Variants in SLC5A2 observed in about 807,000 individuals in gnomAD.
SLC5A2 encodes the protein sodium/glucose cotransporter 2.
SLC5A2 carries 67 observed loss-of-function variants against 69.0 expected under a neutral mutation model. That is an observed-to-expected ratio of 0.97 (90% CI 0.80 to 1.19). The LOEUF (loss-of-function observed/expected upper bound fraction) is 1.19, where lower values mean the gene tolerates loss of function less well. Ranked by LOEUF, SLC5A2 falls within the 50% of genes most tolerant of loss-of-function variation. The pLI, the probability that SLC5A2 is intolerant of heterozygous loss-of-function variation, is 0.00. For synonymous variants in SLC5A2, 455 were observed against 395.8 expected (o/e 1.15, Z -1.78); for missense variants, 1,001 against 921.5 (o/e 1.09, Z -1.12).
rs758934586 is a variant in SLC5A2, at chr16:31,487,682, G to A, written c.808G>A (p.Val270Met). Reference sequence around the variant, plus strand: ...CTCCTACCACCTGCTCCGGCACCCCGTGACCGGGGATCTGCCGTGGCCCGC... The same window carrying A: ...CTCCTACCACCTGCTCCGGCACCCCATGACCGGGGATCTGCCGTGGCCCGC... Reference protein sequence around the residue: ...PDSYHLLRHPVTGDLPWPALL... With the variant: ...PDSYHLLRHPMTGDLPWPALL... The change falls in exon 7 of 14, where the codon GTG becomes ATG. Residue 270 changes from valine (V) to methionine (M), a missense_variant. Physicochemically the swap from Val to Met is conservative, Grantham distance 21. Transcript: ENST00000330498. 1 of 1,613,588 alleles carries A rather than the reference G, an allele frequency of 6.2e-7. No homozygotes were observed. Among genetic ancestry groups the A allele is most frequent in the African/African-American group, 1.3e-5 (1 of 75,074 alleles).
At chr16:31,486,642 G>A (rs1344019818) in intron 5 of SLC5A2, among the ~76,000 whole-genome samples, 1 of 152,324 alleles carries the variant, frequency 6.6e-6, no homozygotes, top group Middle Eastern at 3.4e-3. Flanking sequence ...GGTCAGATGC[G>A]GACCAGAGTA....
chr16:31,488,906 T>C lies in SLC5A2; in HGVS notation c.1307T>C (p.Val436Ala), dbSNP rs886051961. The change falls in exon 11 of 14, where the codon GTG (valine) becomes GCG (alanine). Residue 436 changes from valine (V) to alanine (A), a missense_variant. Physicochemically the swap from Val to Ala is moderately conservative, Grantham distance 64. Coordinates refer to ENST00000330498, the MANE Select transcript of SLC5A2 (RefSeq NM_003041.4). ...GRLWVVFIVV[V>A]SVAWLPVVQA... ...CTCTGGGTGGTGTTCATCGTGGTAG[T>C]GTCGGTGGCCTGGCTTCCCGTGGTG... is the stretch of plus-strand genomic sequence containing the variant. 1.9e-6 allele frequency: 3 copies of C among 1,605,488 alleles called. No homozygotes were observed. Among genetic ancestry groups the C allele is most frequent in the East Asian group, 2.2e-5 (1 of 44,852 alleles).
intron 7 of SLC5A2, 87 bp from the exon 8 acceptor site, chr16:31,487,951 G>A (rs2082512284): frequency 3.8e-6 from 6 of 1,582,748 alleles, no homozygotes; most frequent in Non-Finnish European, 5.2e-6. Flanking sequence ...GCACTCACGA[G>A]CCAGAGGCGG....
chr16:31,483,428 A>G (rs140682301), intron 1 of SLC5A2, among the ~76,000 whole-genome samples, 166 bp downstream of exon 1: 2 of 152,264 alleles, frequency 1.3e-5, no homozygotes, highest in East Asian at 3.9e-4. Flanking sequence ...CCCAGCCAAC[A>G]TTCCTCCCTT....
intron 7 of SLC5A2, 25 bp from the exon 8 acceptor site, chr16:31,488,013 G>T (rs1483765285): frequency 2.5e-6 from 4 of 1,610,780 alleles, no homozygotes; most frequent in African/African-American, 1.3e-5. Context: ...GCCCGCAAGC[G>T]GGCAGCTGAA....
intron 12 of SLC5A2, 161 bp from the exon 13 acceptor site, chr16:31,489,943 A>G (rs999016308): frequency 2.2e-6 from 2 of 902,622 alleles, no homozygotes; most frequent in Admixed American, 4.1e-5. Context: ...GGCACAGGGC[A>G]GCCATGTAGG....
At chr16:31,485,073 A>C in intron 3 of SLC5A2, 150 bp downstream of exon 3, 1 of 778,340 alleles carries the variant, frequency 1.3e-6, no homozygotes, top group Non-Finnish European at 2.2e-6. Context: ...GAGGTCATAC[A>C]TCTAGCCAGG....
At chr16:31,489,517 G>A (rs928551347) in intron 12 of SLC5A2, 179 bp downstream of exon 12, 7 of 653,376 alleles carry the variant, frequency 1.1e-5, no homozygotes, top group African/African-American at 3.6e-5. Flanking sequence ...TATTTGAACC[G>A]GCCTGGGGGA....
Position 31,488,478 on chromosome 16 carries a change from C to T in SLC5A2, c.1117C>T (p.Leu373Phe). 2 of 1,609,180 alleles carry T rather than the reference C, an allele frequency of 1.2e-6. No individual in the cohort carries two copies. Among genetic ancestry groups the T allele is most frequent in the South Asian group, 2.2e-5 (2 of 90,414 alleles). ...CGCCTACCCGCGGCTCGTCGTGAAG[C>T]TCATGCCCAACGGTAAGGGCAGCCC... ...NIAYPRLVVK[L>F]MPNGLRGLML... Residue 373 changes from leucine to phenylalanine, a missense_variant, in exon 9 of 14, where the codon CTC (leucine) becomes TTC (phenylalanine). Physicochemically the swap from Leu to Phe is conservative, Grantham distance 22. Coordinates refer to ENST00000330498, the MANE Select transcript of SLC5A2 (RefSeq NM_003041.4).
Position 31,484,828 on chromosome 16 carries a change from T to A in SLC5A2, c.208T>A (p.Ser70Thr). ...TCCTCTGGCCACCCAGGTTGGGGCC[T>A]CTCTCTTCGCCAGCAACATCGGCAG... ...RSMVWWPVGASLFASNIGSGH... is the reference protein window; with the variant it reads ...RSMVWWPVGATLFASNIGSGH... Residue 70 changes from serine to threonine, a missense_variant, in exon 3 of 14, where the codon TCT becomes ACT. Transcript: ENST00000330498. The A allele has an allele frequency of 6.2e-7, 1 of 1,613,426 alleles. No individual in the cohort carries two copies. Among genetic ancestry groups the A allele is most frequent in the Non-Finnish European group, 8.5e-7 (1 of 1,180,006 alleles).
chr16:31,487,177 A>C, intron 5 of SLC5A2, 143 bp from the exon 6 acceptor site: 1 of 844,554 alleles, frequency 1.2e-6, no homozygotes, highest in Non-Finnish European at 2.0e-6. Flanking sequence ...GCCTGCGTGC[A>C]TGAGCCCCGA....
rs2082556088 is a variant in SLC5A2 at position 31,490,488 on chromosome 16, C to G, written c.1972C>G (p.Leu658Val). The G allele has an allele frequency of 6.2e-7, 1 of 1,613,932 alleles. No individual in the cohort carries two copies. Residue 658 changes from leucine to valine, a missense_variant, in exon 14 of 14, where the codon CTG becomes GTG. Leu to Val is a conservative substitution (Grantham distance 32, BLOSUM62 1). Coordinates refer to ENST00000330498, the MANE Select transcript of SLC5A2 (RefSeq NM_003041.4). Reference sequence around the variant, plus strand: ...GGCCCGTGTGGTCAACCTCAATGCCCTGCTCATGATGGCAGTGGCCGTGTT... The same window carrying G: ...GGCCCGTGTGGTCAACCTCAATGCCGTGCTCATGATGGCAGTGGCCGTGTT... ...SWARVVNLNA[L>V]LMMAVAVFLW...
intron 5 of SLC5A2, among the ~76,000 whole-genome samples, chr16:31,486,932 G>A (rs917601017): frequency 3.9e-5 from 6 of 152,174 alleles, no homozygotes; most frequent in African/African-American, 1.2e-4. Flanking sequence ...TGTAATCCCA[G>A]CTACTCGGGA....
In SLC5A2 at chr16:31,486,242, C is replaced by T; in HGVS notation, c.541C>T (p.Leu181Phe). The T allele has an allele frequency of 6.2e-7, 1 of 1,613,888 alleles. No individual in the cohort carries two copies. Among genetic ancestry groups the T allele is most frequent in the Non-Finnish European group, 8.5e-7 (1 of 1,179,902 alleles). ...GAACATCTATGCCTCCGTCATCGCGCTTCTGGGCATCACCATGATTTACAC... is the reference window on the plus strand; with the variant it reads ...GAACATCTATGCCTCCGTCATCGCGTTTCTGGGCATCACCATGATTTACAC... ...GWNIYASVIALLGITMIYTVT... is the reference protein window; with the variant it reads ...GWNIYASVIAFLGITMIYTVT... The change falls in exon 5 of 14, where the codon CTT (leucine) becomes TTT (phenylalanine). Residue 181 changes from leucine to phenylalanine, a missense_variant. Coordinates refer to ENST00000330498, the MANE Select transcript of SLC5A2 (RefSeq NM_003041.4).
At chr16:31,484,552 G>A (rs9934336) in intron 1 of SLC5A2, 121 bp from the exon 2 acceptor site, 286,614 of 1,132,102 alleles carry the variant, frequency 0.25, 37,584 homozygotes, top group Non-Finnish European at 0.27. Flanking sequence ...GAGTGCAAAC[G>A]ATCAGGGAAA....
At position 31,490,609 on chromosome 16, in the gene SLC5A2, A is replaced by G; in HGVS notation, c.*74A>G. The stretch of plus-strand genomic sequence containing the variant: ...GTGAGGAGCCTGCGGTGCTCCCCAG[A>G]AAAGGGGAAGGGGCAGTGGGGTGAG... On this transcript the variant is annotated 3_prime_UTR_variant, in exon 14 of 14. Coordinates refer to ENST00000330498, the MANE Select transcript of SLC5A2 (RefSeq NM_003041.4). The G allele has an allele frequency of 1.5e-6, 2 of 1,330,178 alleles. No homozygotes were observed. The allele number at this position is 1,330,178 out of a possible 1,614,324, so 82.4% of individuals were successfully genotyped here.
chr16:31,485,635 A>G (rs2082488783), intron 3 of SLC5A2, 94 bp from the exon 4 acceptor site: 2 of 1,529,370 alleles, frequency 1.3e-6, no homozygotes, highest in Non-Finnish European at 1.8e-6. Flanking sequence ...GGCCCTTCCC[A>G]GGGCCACTTG....
intron 8 of SLC5A2, 21 bp from the exon 9 acceptor site, chr16:31,488,362 G>T: frequency 6.2e-7 from 1 of 1,609,984 alleles, no homozygotes; most frequent in Non-Finnish European, 8.5e-7. Context: ...TCCTAACGGC[G>T]CGGTGGCCTC....
At position 31,488,635 on chromosome 16, in the gene SLC5A2, CATGCT is replaced by C; in HGVS notation, c.1144_1148del (p.Met382GlyfsTer78). On this transcript the variant is annotated frameshift_variant, in exon 10 of 14. Coordinates refer to ENST00000330498, the MANE Select transcript of SLC5A2 (RefSeq NM_003041.4). LOFTEE classifies it high-confidence loss of function. ...GTCGGCCCGCAGGTCTGCGCGGACT[CATGCT>C]GGCGGTCATGCTGGCCGCGCTCATG... 1 of 1,611,250 alleles carries C rather than the reference CATGCT, an allele frequency of 6.2e-7. No individual in the cohort carries two copies. The highest frequency in any genetic ancestry group is 8.5e-7 in the Non-Finnish European group (1 of 1,179,030).
Sources: allele counts gnomAD v4.1 joint callset (sites outside exome capture counted in the v4.1 genomes callset), GRCh38; gene constraint gnomAD v4.1.1; transcripts MANE v1.5; gene names NCBI Gene and HGNC (gene_info 2026-07-23, HGNC 2026-07-21).